The following ATRX variants were observed in gnomAD, a reference collection of about 807,000 sequenced individuals.
ATRX encodes the protein ATRX chromatin remodeler, also known as chromatin remodeler ATRX.
A neutral mutation model predicts 172.6 loss-of-function variants in ATRX; 12 were observed. That is an observed-to-expected ratio of 0.07 (90% confidence interval 0.04 to 0.11). ATRX has a LOEUF of 0.11. ATRX is among the 10% of genes least tolerant of loss of function. The pLI, the probability that ATRX is intolerant of heterozygous loss-of-function variation, is 1.00. For synonymous variants in ATRX, 674 were observed against 594.7 expected (o/e 1.13, Z -1.94); for missense variants, 1,368 against 1,767.4 (o/e 0.77, Z 4.05).
chrX:77,728,921 C>G (rs190389915), intron 1 of ATRX, among the ~76,000 whole-genome samples: 1 of 107,186 alleles, frequency 9.3e-6, no homozygotes, highest in Admixed American at 1.0e-4. Flanking sequence ...ACCACCATGC[C>G]CAGCTGATTT....
In ATRX at chrX:77,586,096, G is replaced by A. The variant is rs185733038; in HGVS notation, c.6217+3738C>T. Among the ~76,000 whole-genome samples, 75 of 111,638 alleles carry A rather than the reference G, an allele frequency of 6.7e-4. 1 individual carries two copies. The highest frequency in any genetic ancestry group is 4.6e-3 in the Middle Eastern group (1 of 217). On this transcript the variant is annotated intron_variant, in intron 27 of 34. Coordinates refer to ENST00000373344, the MANE Select transcript of ATRX (RefSeq NM_000489.6). ...TTGCTAGCACAACAGGGTGACTACC[G>A]TCAAAAATAATTAAAAATTGTATAT...
intron 1 of ATRX, among the ~76,000 whole-genome samples, chrX:77,738,458 A>T (rs2074699396): frequency 9.1e-6 from 1 of 109,562 alleles, no homozygotes; most frequent in Admixed American, 9.9e-5. Flanking sequence ...CAGGGAAATC[A>T]AGGCACAGTC....
At chrX:77,722,995 A>G (rs1007851424) in intron 1 of ATRX, among the ~76,000 whole-genome samples, 2 of 112,212 alleles carry the variant, frequency 1.8e-5, no homozygotes, top group Admixed American at 9.5e-5. Context: ...TACCCCATGG[A>G]ATACTATGCA....
rs782774889 is a variant in ATRX, at chrX:77,683,475, G to T, written c.1781C>A (p.Ser594Tyr). ...KELYVKLTPV[S>Y]LSNSPIKGAD... ...ACCTTTAATTGGGGAATTAGAAAGG[G>T]AAACAGGAGTGAGTTTAACATATAA... Residue 594 changes from serine (S) to tyrosine (Y), a missense_variant, in exon 9 of 35, where the codon TCC (serine) becomes TAC (tyrosine). Around this residue, in one of 17 missense-constraint regions of ATRX, gnomAD observed 843 missense variants for 643.1 expected, o/e 1.31. Transcript: ENST00000373344. 1.7e-6 allele frequency: 2 copies of T among 1,210,058 alleles called. No homozygotes were observed.
intron 19 of ATRX, among the ~76,000 whole-genome samples, chrX:77,629,943 A>G (rs2068036212): frequency 8.9e-6 from 1 of 112,640 alleles, no homozygotes; most frequent in South Asian, 3.6e-4. Context: ...GATTTTCTTA[A>G]TAGAAAACTA....
intron 34 of ATRX, among the ~76,000 whole-genome samples, chrX:77,518,109 C>A (rs181923899): frequency 1.3e-3 from 149 of 112,155 alleles, no homozygotes; most frequent in Admixed American, 2.9e-3. Flanking sequence ...AAAATTGGAA[C>A]ACAACAAGGA....
intron 19 of ATRX, among the ~76,000 whole-genome samples, chrX:77,624,368 AAAAAAG>A (rs1456240523): frequency 7.2e-5 from 8 of 111,351 alleles, no homozygotes; most frequent in Non-Finnish European, 1.3e-4. Context: ...CTCCATCTCA[AAAAAAG>A]AAAAAGAAAA....
At chrX:77,719,772 G>A (rs1441438749) in intron 1 of ATRX, among the ~76,000 whole-genome samples, 2 of 111,103 alleles carry the variant, frequency 1.8e-5, no homozygotes, top group African/African-American at 3.3e-5. Context: ...TAGACAGACC[G>A]ACAAGACGGA....
chrX:77,716,110 ATTTTTTTTTTTTTTTTTTTTT>A (rs199639051), intron 2 of ATRX, among the ~76,000 whole-genome samples: 3 of 54,407 alleles, frequency 5.5e-5, no homozygotes, highest in Admixed American at 2.3e-4. Context: ...GTCTCTAAAA[ATTTTTTTTTTTTTTTTTTTTT>A]TTTTTTTTTT....
chrX:77,583,792 A>T (rs1440741622), intron 27 of ATRX, among the ~76,000 whole-genome samples: 2 of 111,744 alleles, frequency 1.8e-5, no homozygotes, highest in African/African-American at 6.5e-5. Flanking sequence ...AGTCCTAGCT[A>T]GAGTAATTAG....
At chrX:77,783,377 A>C (rs782054264) in intron 1 of ATRX, among the ~76,000 whole-genome samples, 2 of 111,992 alleles carry the variant, frequency 1.8e-5, no homozygotes, top group Admixed American at 1.9e-4. Flanking sequence ...CAACACAAAC[A>C]ACCAAAAAAA....
At chrX:77,780,492 A>AT (rs1298679932) in intron 1 of ATRX, among the ~76,000 whole-genome samples, 11 of 107,544 alleles carry the variant, frequency 1.0e-4, no homozygotes, top group Middle Eastern at 4.9e-3. Flanking sequence ...CACCGAGATG[A>AT]TTTTTTTTTG....
intron 22 of ATRX, among the ~76,000 whole-genome samples, chrX:77,610,955 AAT>A (rs1386587238): frequency 1.9e-5 from 2 of 107,549 alleles, no homozygotes; most frequent in African/African-American, 6.7e-5. Flanking sequence ...TAAATAAATA[AAT>A]ATATATATAT....
intron 1 of ATRX, among the ~76,000 whole-genome samples, 156 bp from the exon 2 acceptor site, chrX:77,717,399 T>C (rs1422449989): frequency 3.6e-5 from 4 of 110,478 alleles, no homozygotes; most frequent in African/African-American, 1.3e-4. Context: ...CAGTTGTGGG[T>C]GTAGAAAGAA....
chrX:77,707,510 C>T (rs1445287146), intron 2 of ATRX, among the ~76,000 whole-genome samples: 2 of 111,655 alleles, frequency 1.8e-5, no homozygotes, highest in East Asian at 2.8e-4. Flanking sequence ...TTTGGGAGGC[C>T]GAGGCGGGTG....
At chrX:77,603,004 A>AT (rs1557088033) in intron 22 of ATRX, among the ~76,000 whole-genome samples, 2 of 111,275 alleles carry the variant, frequency 1.8e-5, no homozygotes, top group African/African-American at 6.5e-5. Flanking sequence ...CCCTTAGCCT[A>AT]TTAAGAAAAA....
At chrX:77,761,563 C>T (rs1304800195) in intron 1 of ATRX, among the ~76,000 whole-genome samples, 1 of 111,132 alleles carries the variant, frequency 9.0e-6, no homozygotes, top group East Asian at 2.8e-4. Flanking sequence ...AAGTGTACAA[C>T]ATGAATGTTT....
chrX:77,512,902 C>T (rs1259936383), intron 34 of ATRX, among the ~76,000 whole-genome samples: 6 of 110,552 alleles, frequency 5.4e-5, no homozygotes, highest in African/African-American at 2.0e-4. Context: ...TTAAAACATA[C>T]AACCACAGAA....
intron 1 of ATRX, among the ~76,000 whole-genome samples, chrX:77,739,052 T>C (rs903195676): frequency 1.8e-5 from 2 of 111,038 alleles, no homozygotes; most frequent in African/African-American, 6.5e-5. Context: ...GTAAATTCTT[T>C]AGTGGTAATT....
Sources: allele counts gnomAD v4.1 joint callset (sites outside exome capture counted in the v4.1 genomes callset), GRCh38; gene constraint gnomAD v4.1.1; regional missense constraint gnomAD v4.1.1; transcripts MANE v1.5; gene names NCBI Gene and HGNC (gene_info 2026-07-23, HGNC 2026-07-21).